The following SPRY3 variants were observed in gnomAD, a reference collection of about 807,000 sequenced individuals.
SPRY3 encodes the protein sprouty RTK signaling antagonist 3.
A neutral mutation model predicts 20.2 loss-of-function variants in SPRY3; 15 were observed. That is an observed-to-expected ratio of 0.74 (90% CI 0.50 to 1.14). SPRY3 has a LOEUF of 1.14. Among genes scored for constraint, SPRY3 ranks in the 50% most tolerant of loss-of-function variants. The pLI is 0.00. For missense variants in SPRY3, 364 were observed against 363.9 expected (o/e 1.00, Z 0.00); for synonymous variants, 143 against 136.5 (o/e 1.05, Z -0.33).
intron 2 of SPRY3, among the ~76,000 whole-genome samples, chrX:155,760,017 A>G (rs1452666831): frequency 6.6e-6 from 1 of 152,184 alleles, no homozygotes; most frequent in Non-Finnish European, 1.5e-5. Context: ...CTTTCTTCAA[A>G]TATAATGAAT....
At chrX:155,774,758 C>T in exon 4 of SPRY3, 1 of 1,593,362 alleles carries the variant, frequency 6.3e-7, no homozygotes, top group Non-Finnish European at 8.6e-7. Flanking sequence ...AAGGTGGATC[C>T]AGAGCTTTTC....
intron 2 of SPRY3, among the ~76,000 whole-genome samples, chrX:155,749,337 A>G (rs1465950301): frequency 2.0e-5 from 3 of 151,848 alleles, no homozygotes; most frequent in South Asian, 2.1e-4. Context: ...GGAAATAAAC[A>G]TATGATTGAG....
chrX:155,778,624 C>G (rs2091444272), downstream of SPRY3: 1 of 167,030 alleles, frequency 6.0e-6, no homozygotes, highest in Admixed American at 6.6e-5. Flanking sequence ...ATTGAGAGCG[C>G]TCTTCTGATT....
downstream of SPRY3, chrX:155,777,269 T>G (rs1356676374): frequency 6.0e-6 from 1 of 166,936 alleles, no homozygotes; most frequent in Non-Finnish European, 1.5e-5. Context: ...TAAATTATTC[T>G]ATGGATGTTT....
In SPRY3 at chrX:155,689,568, AT is replaced by A. The variant is rs1344943005; in HGVS notation, c.-282+32546del. Among the ~76,000 whole-genome samples, 3 of 86,679 alleles carry A rather than the reference AT, an allele frequency of 3.5e-5. 1 individual carries two copies. Among genetic ancestry groups the A allele is most frequent in the Non-Finnish European group, 6.4e-5 (3 of 46,682 alleles). The allele number at this position is 86,679 out of a possible 115,157, so 75.3% of individuals were successfully genotyped here. A position where few individuals can be genotyped will look rare whatever the true frequency, so the allele number is the denominator to read the frequency against. On this transcript the variant is annotated intron_variant, in intron 2 of 3. Coordinates refer to ENST00000675360, the Ensembl canonical transcript of SPRY3. ...CTTAGGAGTGTGTATGTGTCCAGGA[AT>A]TTATCAATTTCTTCCAGATTTTCTA...
At chrX:155,729,867 G>T (rs2091122196) in intron 2 of SPRY3, among the ~76,000 whole-genome samples, 1 of 151,900 alleles carries the variant, frequency 6.6e-6, no homozygotes, top group Non-Finnish European at 1.5e-5. Flanking sequence ...AGATGAAAAA[G>T]GAAATATCAC....
At chrX:155,707,029 C>T (rs768846333) in intron 2 of SPRY3, among the ~76,000 whole-genome samples, 37 of 149,748 alleles carry the variant, frequency 2.5e-4, no homozygotes, top group Admixed American at 1.1e-3. Flanking sequence ...CTTTCCTTTC[C>T]TTGCTTTAGG....
At chrX:155,760,377 T>G (rs903501709) in intron 2 of SPRY3, among the ~76,000 whole-genome samples, 2 of 152,188 alleles carry the variant, frequency 1.3e-5, no homozygotes, top group Non-Finnish European at 2.9e-5. Flanking sequence ...TTGGCTTAGC[T>G]TTGGAATTGT....
chrX:155,704,910 GA>G (rs987922400), intron 2 of SPRY3, among the ~76,000 whole-genome samples: 2 of 151,330 alleles, frequency 1.3e-5, no homozygotes, highest in Non-Finnish European at 3.0e-5. Flanking sequence ...TCTATATCCA[GA>G]AAAAAATCTT....
intron 1 of SPRY3, among the ~76,000 whole-genome samples, chrX:155,617,845 A>G (rs1369460116): frequency 1.8e-5 from 2 of 112,037 alleles, no homozygotes; most frequent in Admixed American, 1.9e-4. Context: ...TATTATGGTC[A>G]TATATTTCTT....
At chrX:155,751,614 A>AT (rs763720482) in intron 2 of SPRY3, among the ~76,000 whole-genome samples, 49 of 151,932 alleles carry the variant, frequency 3.2e-4, no homozygotes, top group Admixed American at 3.1e-3. Context: ...TAATGTAAGA[A>AT]TTTTTTCCAA....
intron 1 of SPRY3, among the ~76,000 whole-genome samples, chrX:155,636,711 G>A (rs1301878123): frequency 9.1e-6 from 1 of 109,948 alleles, no homozygotes; most frequent in Non-Finnish European, 1.9e-5. Context: ...ACAGTTTAGT[G>A]TTTATGTAAA....
intron 1 of SPRY3, among the ~76,000 whole-genome samples, chrX:155,617,763 AG>A (rs2067858760): frequency 8.9e-6 from 1 of 112,178 alleles, no homozygotes; most frequent in Admixed American, 9.5e-5. Flanking sequence ...TTATCAAAAC[AG>A]TGTGGTATTA....
chrX:155,686,111 A>C (rs895068195), intron 2 of SPRY3, among the ~76,000 whole-genome samples: 8 of 111,770 alleles, frequency 7.2e-5, no homozygotes, highest in African/African-American at 2.0e-4. Context: ...TTCAGTTCTA[A>C]AATTTCTATT....
At chrX:155,752,162 C>T (rs2091266870) in intron 2 of SPRY3, among the ~76,000 whole-genome samples, 1 of 151,356 alleles carries the variant, frequency 6.6e-6, no homozygotes, top group South Asian at 2.1e-4. Flanking sequence ...ACTATAAAGT[C>T]AAAGTGAATA....
At chrX:155,654,686 GGTGT>G (rs3067500) in intron 1 of SPRY3, among the ~76,000 whole-genome samples, 21,752 of 85,663 alleles carry the variant, frequency 0.25, 2,581 homozygotes, top group African/African-American at 0.35. Flanking sequence ...AGTATTCCAT[GGTGT>G]GTGTGTGTGT....
intron 2 of SPRY3, among the ~76,000 whole-genome samples, chrX:155,732,812 A>G (rs1459103511): frequency 1.1e-4 from 17 of 152,124 alleles, no homozygotes; most frequent in Non-Finnish European, 2.5e-4. Context: ...AGCACTATTC[A>G]GCCTTATAAA....
chrX:155,750,346 C>T (rs187710943), intron 2 of SPRY3, among the ~76,000 whole-genome samples: 245 of 151,788 alleles, frequency 1.6e-3, no homozygotes, highest in Non-Finnish European at 3.0e-3. Flanking sequence ...ACCTGGGTGA[C>T]GGGATCAGTT....
chrX:155,699,274 A>C (rs1241118899), intron 2 of SPRY3, among the ~76,000 whole-genome samples: 1 of 111,568 alleles, frequency 9.0e-6, no homozygotes, highest in Non-Finnish European at 1.9e-5. Flanking sequence ...AGAATGGTGC[A>C]TGTGACAAAA....
Sources: allele counts gnomAD v4.1 joint callset (sites outside exome capture counted in the v4.1 genomes callset), GRCh38; gene constraint gnomAD v4.1.1; transcripts MANE v1.5; gene names NCBI Gene and HGNC (gene_info 2026-07-23, HGNC 2026-07-21).